The following MITF variants were observed in gnomAD, a reference collection of about 807,000 sequenced individuals.
The protein encoded by MITF is microphthalmia-associated transcription factor.
In MITF, 17 loss-of-function variants were observed where a neutral mutation model predicts 60.5. The observed-to-expected ratio is 0.28, with a 90% CI of 0.19 to 0.42. The LOEUF (loss-of-function observed/expected upper bound fraction) is 0.42, where lower values mean the gene tolerates loss of function less well. Among genes scored for constraint, MITF ranks in the 10% least tolerant of loss-of-function variants. MITF has a pLI of 1.00. For missense variants in MITF, 622 were observed against 683.5 expected (o/e 0.91, Z 1.00); for synonymous variants, 260 against 248.5 (o/e 1.05, Z -0.43).
chr3:69,752,661 A>C (rs1703978088), intron 1 of MITF, among the ~76,000 whole-genome samples: 1 of 152,198 alleles, frequency 6.6e-6, no homozygotes, highest in Non-Finnish European at 1.5e-5. Flanking sequence ...AAATTACCTA[A>C]AGTTGAACTT....
chr3:69,946,118 T>C (rs1559740096), intron 5 of MITF, among the ~76,000 whole-genome samples: 1 of 152,208 alleles, frequency 6.6e-6, no homozygotes, highest in Non-Finnish European at 1.5e-5. Context: ...ATCACTGAAG[T>C]AGCAGGCACT....
intron 1 of MITF, among the ~76,000 whole-genome samples, chr3:69,830,113 T>C (rs1016742641): frequency 5.3e-5 from 8 of 152,116 alleles, no homozygotes; most frequent in African/African-American, 1.9e-4. Context: ...ATTAGGGCAG[T>C]GTTTTGTGCA....
At chr3:69,860,697 T>G (rs1192985502) in intron 1 of MITF, among the ~76,000 whole-genome samples, 1 of 152,190 alleles carries the variant, frequency 6.6e-6, no homozygotes, top group Non-Finnish European at 1.5e-5. Flanking sequence ...TTTGAAACAG[T>G]TTTTAAAAAC....
intron 1 of MITF, among the ~76,000 whole-genome samples, chr3:69,860,568 CG>C (rs202045521): frequency 0.035 from 5,065 of 144,804 alleles, 141 homozygotes; most frequent in Non-Finnish European, 0.055. Flanking sequence ...ACAGCACTCC[CG>C]CCTGGGCGAC....
intron 5 of MITF, among the ~76,000 whole-genome samples, chr3:69,948,219 A>G (rs1202088255): frequency 6.6e-6 from 1 of 152,128 alleles, no homozygotes; most frequent in East Asian, 1.9e-4. Flanking sequence ...ATTTCAGGGC[A>G]TGGGAAGGGA....
chr3:69,861,626 G>A (rs965226594), intron 1 of MITF, among the ~76,000 whole-genome samples: 2 of 152,190 alleles, frequency 1.3e-5, no homozygotes. Context: ...CCATTGGCAT[G>A]TGAGTGTGAG....
At chr3:69,762,229 A>C (rs909086950) in intron 1 of MITF, among the ~76,000 whole-genome samples, 2 of 152,222 alleles carry the variant, frequency 1.3e-5, no homozygotes, top group African/African-American at 4.8e-5. Flanking sequence ...AATCCTAGTT[A>C]ATGGCTTTAA....
chr3:69,774,068 T>C (rs1203153230), intron 1 of MITF, among the ~76,000 whole-genome samples: 1 of 152,216 alleles, frequency 6.6e-6, no homozygotes. Flanking sequence ...CCAGAAGCCA[T>C]GACTAGGTGC....
Position 69,965,099 on chromosome 3 carries a change from G to A in MITF, c.1432G>A (p.Gly478Arg). 6.2e-7 allele frequency: 1 copy of A among 1,614,072 alleles called. No individual in the cohort carries two copies. Among genetic ancestry groups the A allele is most frequent in the South Asian group, 1.1e-5 (1 of 91,080 alleles). Residue 478 changes from glycine to arginine, a missense_variant, in exon 10 of 10, where the codon GGA becomes AGA. Coordinates refer to ENST00000352241, the MANE Select transcript of MITF (RefSeq NM_001354604.2). The part of the protein sequence containing the change: ...NQAYSVPTKM[G>R]SKLEDILMDD... The stretch of plus-strand genomic sequence containing the variant: ...AGCCTATAGTGTCCCCACAAAAATG[G>A]GATCCAAACTGGAAGACATCCTGAT...
At chr3:69,826,552 G>T (rs2063358054) in intron 1 of MITF, among the ~76,000 whole-genome samples, 2 of 152,218 alleles carry the variant, frequency 1.3e-5, no homozygotes, top group Admixed American at 6.5e-5. Context: ...AAAACTTTTG[G>T]ACATTGGAAG....
intron 1 of MITF, among the ~76,000 whole-genome samples, chr3:69,759,278 G>C (rs1440117528): frequency 6.6e-6 from 1 of 152,138 alleles, no homozygotes; most frequent in African/African-American, 2.4e-5. Context: ...TAACCTGACT[G>C]ACTTAGGAAC....
intron 1 of MITF, among the ~76,000 whole-genome samples, chr3:69,760,477 G>C (rs1160936542): frequency 6.6e-6 from 1 of 152,218 alleles, no homozygotes; most frequent in Non-Finnish European, 1.5e-5. Flanking sequence ...ACCCAGAGTA[G>C]CAGCGTATGG....
chr3:69,953,611 GTATA>G (rs773968803), intron 7 of MITF, among the ~76,000 whole-genome samples: 1 of 127,836 alleles, frequency 7.8e-6, no homozygotes, highest in Non-Finnish European at 1.6e-5. Flanking sequence ...GTATGTATAT[GTATA>G]TATATATATG....
intron 1 of MITF, among the ~76,000 whole-genome samples, chr3:69,775,361 G>A (rs2062457517): frequency 6.6e-6 from 1 of 152,126 alleles, no homozygotes. Flanking sequence ...TATGTGAAAT[G>A]TCTCTGCCTG....
rs536314367 is a variant in MITF at position 69,776,907 on chromosome 3, A to G, written c.104+37206A>G. Among the ~76,000 whole-genome samples the G allele has an allele frequency of 9.5e-4, 145 of 152,350 alleles. 3 individuals carry two copies. Among genetic ancestry groups the G allele is most frequent in the Non-Finnish European group, 1.7e-3 (116 of 68,034 alleles). On this transcript the variant is annotated intron_variant, in intron 1 of 9. Coordinates refer to ENST00000352241, the MANE Select transcript of MITF (RefSeq NM_001354604.2). ...TATGCCTCTGGCTTATATAGAACTT[A>G]TATTCGAAGTGAATTCCACAAACAC...
At chr3:69,892,686 A>G (rs1018041958) in intron 2 of MITF, among the ~76,000 whole-genome samples, 1 of 152,184 alleles carries the variant, frequency 6.6e-6, no homozygotes, top group Non-Finnish European at 1.5e-5. Context: ...CTCTTTTTAC[A>G]AAATTGGATT....
intron 1 of MITF, among the ~76,000 whole-genome samples, chr3:69,750,817 A>G (rs2106768114): frequency 6.6e-6 from 1 of 152,292 alleles, no homozygotes; most frequent in African/African-American, 2.4e-5. Context: ...TGATTTGCTC[A>G]ATGAACTTGT....
At chr3:69,760,787 A>C (rs1256764665) in intron 1 of MITF, among the ~76,000 whole-genome samples, 2 of 152,116 alleles carry the variant, frequency 1.3e-5, no homozygotes, top group Non-Finnish European at 2.9e-5. Flanking sequence ...GCAGTTTTTG[A>C]GGTAACCAGG....
chr3:69,772,561 T>C (rs2062409705), intron 1 of MITF, among the ~76,000 whole-genome samples: 1 of 152,234 alleles, frequency 6.6e-6, no homozygotes, highest in African/African-American at 2.4e-5. Context: ...TAGTTCACTC[T>C]TTAACCCAGA....
Sources: allele counts gnomAD v4.1 joint callset (sites outside exome capture counted in the v4.1 genomes callset), GRCh38; gene constraint gnomAD v4.1.1; transcripts MANE v1.5; gene names NCBI Gene and HGNC (gene_info 2026-07-23, HGNC 2026-07-21).